Variants in ZBTB16 observed in about 807,000 individuals in gnomAD.
ZBTB16 encodes zinc finger and BTB domain-containing protein 16.
In ZBTB16, 8 loss-of-function variants were observed where a neutral mutation model predicts 56.8. The observed-to-expected ratio is 0.14, with a 90% CI of 0.08 to 0.25. The LOEUF (loss-of-function observed/expected upper bound fraction) is 0.25. Among genes scored for constraint, ZBTB16 ranks in the 10% least tolerant of loss-of-function variants. The probability of loss-of-function intolerance (pLI) is 1.00; values close to 1 mark genes in which losing one functional copy is unlikely to be tolerated. For synonymous variants in ZBTB16, 363 were observed against 368.5 expected (o/e 0.98, Z 0.17); for missense variants, 625 against 903.0 (o/e 0.69, Z 3.95).
At chr11:114,237,366 C>T (rs1369573769) in intron 4 of ZBTB16, 1 of 152,208 alleles carries the variant, frequency 6.6e-6, no homozygotes, top group African/African-American at 2.4e-5. Context: ...AGCTGGGACC[C>T]CTGTGCTGCT....
At chr11:114,095,245 C>CTTTTCTTTTCTTTTCTTTT (rs1555132749) in intron 2 of ZBTB16, among the ~76,000 whole-genome samples, 14 of 90,484 alleles carry the variant, frequency 1.5e-4, no homozygotes, top group African/African-American at 2.5e-4. Flanking sequence ...CTTTTCTTTT[C>CTTTTCTTTTCTTTTCTTTT]TTTTTTTTTT....
intron 4 of ZBTB16, among the ~76,000 whole-genome samples, chr11:114,226,099 AT>A (rs1944322342): frequency 6.6e-6 from 1 of 152,154 alleles, no homozygotes; most frequent in Admixed American, 6.5e-5. Context: ...GCCAAGAAGT[AT>A]TTTCTTATCA....
rs1242968710 is a variant in ZBTB16 at position 114,233,075 on chromosome 11, GCGCGCGCACA to G, written c.1454-9090_1454-9081del. On this transcript the variant is annotated intron_variant, in intron 4 of 6. Transcript: ENST00000335953. Reference sequence around the variant, plus strand: ...CTACTGCACATACGCATGCGCGCGCGCGCGCGCACACACACACACACACACACACACACAC... The same window carrying G: ...CTACTGCACATACGCATGCGCGCGCGCACACACACACACACACACACACAC... 2.8e-4 allele frequency among the ~76,000 whole-genome samples: 10 copies of G among 35,696 alleles called. 1 individual carries two copies. Among genetic ancestry groups the G allele is most frequent in the South Asian group, 2.7e-3 (2 of 728 alleles). 23.4% of individuals were successfully genotyped at this position (35,696 alleles called of 152,430 possible).
chr11:114,235,630 CTTTCTTT>C (rs1565701468), intron 4 of ZBTB16, among the ~76,000 whole-genome samples: 2 of 13,786 alleles, frequency 1.5e-4, no homozygotes, highest in African/African-American at 2.8e-4. Flanking sequence ...CTCTCCCTTC[CTTTCTTT>C]CTTTCTTTCT....
At chr11:114,118,465 C>T (rs761266466) in intron 2 of ZBTB16, among the ~76,000 whole-genome samples, 12 of 152,142 alleles carry the variant, frequency 7.9e-5, no homozygotes, top group African/African-American at 2.4e-4. Context: ...TGTGAGCCAC[C>T]GTGCCTGGCC....
chr11:114,064,110 C>G lies in ZBTB16; in HGVS notation c.810C>G (p.Asp270Glu), dbSNP rs1399792834. 1.9e-6 allele frequency: 3 copies of G among 1,613,742 alleles called. No homozygotes were observed. The African/African-American group carries it at 4.0e-5, about 22-fold the overall frequency. Residue 270 changes from aspartate to glutamate, a missense_variant, in exon 2 of 7, where the codon GAC (aspartate) becomes GAG (glutamate). This residue lies in a region of ZBTB16 where 384 missense variants were observed against 393.5 expected (regional missense o/e 0.98). Coordinates refer to ENST00000335953, the MANE Select transcript of ZBTB16 (RefSeq NM_006006.6). The surrounding 1 kb of genome is among the most constrained non-coding windows in gnomAD (Gnocchi z 4.2). ...CCAGCATCTCAGGAGGGATGGGGGA[C>G]AAGGTTGAGGAAAGAGGCAAAGAGG... ...AESSISGGMG[D>E]KVEERGKEGP... is the part of the protein sequence containing the mutation.
At chr11:114,156,216 C>T in intron 2 of ZBTB16, 121 bp from the exon 3 acceptor site, 1 of 923,390 alleles carries the variant, frequency 1.1e-6, no homozygotes, top group Non-Finnish European at 1.7e-6. Context: ...CATCGGTGCC[C>T]TCCTGTTCCC....
At chr11:114,068,329 A>T (rs1294524861) in intron 2 of ZBTB16, among the ~76,000 whole-genome samples, 1 of 152,190 alleles carries the variant, frequency 6.6e-6, no homozygotes, top group Non-Finnish European at 1.5e-5. Flanking sequence ...ATGGAATGTC[A>T]TCGGTAAGTT....
At chr11:114,124,557 C>CAAAAAAAAAAAAAAAAAAAAA (rs1381254014) in intron 2 of ZBTB16, among the ~76,000 whole-genome samples, 2 of 41,040 alleles carry the variant, frequency 4.9e-5, no homozygotes, top group African/African-American at 1.1e-4. Context: ...AAAAAAAAAC[C>CAAAAAAAAAAAAAAAAAAAAA]AAAAAAAAAA....
chr11:114,247,461 C>T, intron 6 of ZBTB16, 96 bp downstream of exon 6: 1 of 1,540,254 alleles, frequency 6.5e-7, no homozygotes. Flanking sequence ...GAGGATGATC[C>T]CAGGCTGAAT....
At position 114,143,110 on chromosome 11, in the gene ZBTB16, C is replaced by T. The variant is rs1341322099; in HGVS notation, c.1269-13227C>T. Among the ~76,000 whole-genome samples, 1 of 152,138 alleles carries T rather than the reference C, an allele frequency of 6.6e-6. No homozygotes were observed. The highest frequency in any genetic ancestry group is 2.4e-5 in the African/African-American group (1 of 41,420). On this transcript the variant is annotated intron_variant, in intron 2 of 6. Coordinates refer to ENST00000335953, the MANE Select transcript of ZBTB16 (RefSeq NM_006006.6). This position sits in a 1 kb window ranked among gnomAD's most constrained non-coding sequence, Gnocchi z 6.4. ...CCACCTACTCTCCCAGGTTCCGAGG[C>T]TCCTGTGCACACGGTGAATGTGTGC...
At chr11:114,079,137 C>T (rs996896626) in intron 2 of ZBTB16, among the ~76,000 whole-genome samples, 4 of 151,612 alleles carry the variant, frequency 2.6e-5, no homozygotes, top group East Asian at 3.9e-4. Context: ...AAGGAGGCAC[C>T]CTGGATGAAG....
intron 4 of ZBTB16, among the ~76,000 whole-genome samples, chr11:114,212,053 A>C (rs1033037928): frequency 1.3e-5 from 2 of 151,320 alleles, no homozygotes; most frequent in African/African-American, 4.9e-5. Flanking sequence ...GGGTCATCTC[A>C]TGTGTCTTGC....
At chr11:114,140,159 CT>C (rs1941908870) in intron 2 of ZBTB16, among the ~76,000 whole-genome samples, 1 of 152,172 alleles carries the variant, frequency 6.6e-6, no homozygotes, top group Non-Finnish European at 1.5e-5. Flanking sequence ...TGGAATGATG[CT>C]GTTTTGGTGC....
At position 114,256,566 on chromosome 11, in the gene ZBTB16, C is replaced by T. The variant is rs535292232; in HGVS notation, c.*6011C>T. On this transcript the variant is annotated 3_prime_UTR_variant, in exon 7 of 7. Transcript: ENST00000335953. ...TTTAGAGAGACATTTTCAACTGACTCCTTAGTGGCTAAGCAAGCTTCAGAA... is the reference window on the plus strand; with the variant it reads ...TTTAGAGAGACATTTTCAACTGACTTCTTAGTGGCTAAGCAAGCTTCAGAA... Among the ~76,000 whole-genome samples the T allele has an allele frequency of 5.3e-5, 8 of 152,310 alleles. No homozygotes were observed. Among genetic ancestry groups the T allele is most frequent in the African/African-American group, 1.4e-4 (6 of 41,568 alleles).
At position 114,063,612 on chromosome 11, in the gene ZBTB16, T is replaced by C. The variant is rs978300998; in HGVS notation, c.312T>C (p.Tyr104=). The C allele has an allele frequency of 1.9e-6, 3 of 1,614,164 alleles. No homozygotes were observed. Among genetic ancestry groups the C allele is most frequent in the Non-Finnish European group, 2.5e-6 (3 of 1,180,040 alleles). ...AKAEDLDDLL[Y]AAEILEIEYL... ...CGGAGGACCTGGATGACCTGCTGTA[T>C]GCGGCCGAGATCCTGGAGATCGAGT... The change falls in exon 2 of 7, where the codon TAT becomes TAC. Residue 104 remains tyrosine (Y), a synonymous_variant. Coordinates refer to ENST00000335953, the MANE Select transcript of ZBTB16 (RefSeq NM_006006.6). This position sits in a 1 kb window ranked among gnomAD's most constrained non-coding sequence, Gnocchi z 6.5.
rs555359308 is a variant in ZBTB16 at position 114,252,744 on chromosome 11, T to C, written c.*2189T>C. 6.6e-6 allele frequency among the ~76,000 whole-genome samples: 1 copy of C among 152,238 alleles called. No homozygotes were observed. The highest frequency in any genetic ancestry group is 2.4e-5 in the African/African-American group (1 of 41,540). ...TTGGGGAGAAGGATCACGAGGAATGTAGGGAAGCCGGAGGGATGGGTGCTG... is the reference window on the plus strand; with the variant it reads ...TTGGGGAGAAGGATCACGAGGAATGCAGGGAAGCCGGAGGGATGGGTGCTG... On this transcript the variant is annotated 3_prime_UTR_variant, in exon 7 of 7. Transcript: ENST00000335953.
chr11:114,167,311 C>T lies in ZBTB16; in HGVS notation c.1366+10877C>T, dbSNP rs199587671. On this transcript the variant is annotated intron_variant, in intron 3 of 6. Transcript: ENST00000335953. ...CTCAGAGAGGGCTTGGCTGTGTTTT[C>T]TCTCTCTCTCTCTCTCTCTGAGGGT... 1.5e-4 allele frequency among the ~76,000 whole-genome samples: 9 copies of T among 62,068 alleles called. No homozygotes were observed. In the South Asian group the frequency reaches 2.2e-3, roughly 15 times the overall value. 40.7% of individuals were successfully genotyped at this position (62,068 alleles called of 152,430 possible).
At position 114,250,151 on chromosome 11, in the gene ZBTB16, C is replaced by A. The variant is rs1944892578; in HGVS notation, c.1793-175C>A. On this transcript the variant is annotated intron_variant, in intron 6 of 6. Transcript: ENST00000335953. This position sits in a 1 kb window ranked among gnomAD's most constrained non-coding sequence, Gnocchi z 6.0. Reference sequence around the variant, plus strand: ...GCAGTCGCACCAGCCTCATTCATAGCCATGTGTGACTGGTGGCTGCCGTCT... The same window carrying A: ...GCAGTCGCACCAGCCTCATTCATAGACATGTGTGACTGGTGGCTGCCGTCT... Among the ~76,000 whole-genome samples the A allele has an allele frequency of 6.6e-6, 1 of 152,150 alleles. No individual in the cohort carries two copies. Among genetic ancestry groups the A allele is most frequent in the African/African-American group, 2.4e-5 (1 of 41,422 alleles).
Sources: gnomAD v4.1 joint callset for allele counts (sites outside exome capture counted in the v4.1 genomes callset) on GRCh38, gnomAD v4.1.1 for gene constraint, gnomAD v4.1.1 regional missense constraint, Gnocchi (gnomAD v3.1) non-coding constraint, MANE v1.5 for transcripts, NCBI Gene and HGNC (gene_info 2026-07-23, HGNC 2026-07-21) for gene names.